The following CREB5 variants were observed in gnomAD, a reference collection of about 807,000 sequenced individuals.
CREB5 encodes the protein cAMP responsive element binding protein 5.
A neutral mutation model predicts 57.1 loss-of-function variants in CREB5; 19 were observed. The observed-to-expected ratio is 0.33, with a 90% confidence interval of 0.23 to 0.49. The LOEUF (loss-of-function observed/expected upper bound fraction) is 0.49, where lower values mean the gene tolerates loss of function less well. CREB5 is among the 20% of genes least tolerant of loss of function. The pLI, the probability that CREB5 is intolerant of heterozygous loss-of-function variation, is 0.99. For missense variants in CREB5, 579 were observed against 671.6 expected, an observed-to-expected ratio of 0.86 and a Z score of 1.52; for synonymous variants, 238 against 238.3, an observed-to-expected ratio of 1.00 and a Z score of 0.01.
chr7:28,368,452 G>A (rs1034487830), intron 1 of CREB5, among the ~76,000 whole-genome samples: 2 of 152,184 alleles, frequency 1.3e-5, no homozygotes, highest in Non-Finnish European at 2.9e-5. Context: ...GAAGTGCTCT[G>A]TGGTCTGGGC....
At chr7:28,572,800 C>T (rs1795753823) in intron 5 of CREB5, among the ~76,000 whole-genome samples, 1 of 152,172 alleles carries the variant, frequency 6.6e-6, no homozygotes, top group Non-Finnish European at 1.5e-5. Flanking sequence ...GCTGTGTCAC[C>T]ATGCCTGGAT....
intron 4 of CREB5, chr7:28,513,979 T>A (rs561404207): frequency 6.6e-6 from 1 of 152,178 alleles, no homozygotes; most frequent in East Asian, 1.9e-4. Flanking sequence ...TCTATTGTCT[T>A]GCAAAGAGTG....
chr7:28,421,248 G>GT (rs1270027155), intron 1 of CREB5, among the ~76,000 whole-genome samples: 2 of 152,032 alleles, frequency 1.3e-5, no homozygotes, highest in Non-Finnish European at 2.9e-5. Context: ...CAGAAATTTG[G>GT]TTTTCCATTT....
intron 1 of CREB5, among the ~76,000 whole-genome samples, chr7:28,327,176 G>A (rs1287264769): frequency 1.4e-5 from 2 of 146,112 alleles, no homozygotes; most frequent in Non-Finnish European, 3.0e-5. Context: ...AAAGGAAACC[G>A]TATTTAGTAG....
intron 8 of CREB5, 29 bp from the exon 9 acceptor site, chr7:28,809,158 C>T (rs1425170128): frequency 6.3e-7 from 1 of 1,584,302 alleles, no homozygotes; most frequent in Non-Finnish European, 8.6e-7. Context: ...TCCCTATCCC[C>T]ATCACCTCCT....
At chr7:28,380,602 G>A (rs750516619) in intron 1 of CREB5, among the ~76,000 whole-genome samples, 3 of 152,162 alleles carry the variant, frequency 2.0e-5, no homozygotes, top group African/African-American at 7.2e-5. Flanking sequence ...CATCACATCC[G>A]AGGGGTGGGT....
chr7:28,790,472 G>GAGAGAGAGAGAGAGAGAGAGAA, intron 7 of CREB5, among the ~76,000 whole-genome samples: 1 of 124,860 alleles, frequency 8.0e-6, no homozygotes, highest in Non-Finnish European at 1.8e-5. Flanking sequence ...TAGAGAGAGA[G>GAGAGAGAGAGAGAGAGAGAGAA]AGAAAGAAAG....
intron 4 of CREB5, among the ~76,000 whole-genome samples, chr7:28,535,830 T>A (rs1302029682): frequency 6.6e-6 from 1 of 152,170 alleles, no homozygotes; most frequent in East Asian, 1.9e-4. Flanking sequence ...CTCCTTTTTT[T>A]CTCCTTGGTT....
At chr7:28,436,222 T>C (rs560070625) in intron 1 of CREB5, among the ~76,000 whole-genome samples, 2 of 152,246 alleles carry the variant, frequency 1.3e-5, no homozygotes, top group Middle Eastern at 3.4e-3. Context: ...CTCTTGCCCT[T>C]GTGGCTCAAG....
chr7:28,381,951 C>T (rs1239471173), intron 1 of CREB5, among the ~76,000 whole-genome samples: 1 of 152,120 alleles, frequency 6.6e-6, no homozygotes, highest in African/African-American at 2.4e-5. Flanking sequence ...AGGCTAAGTC[C>T]CACCACAGAC....
At chr7:28,790,464 G>GAGAT (rs1807623030) in intron 7 of CREB5, among the ~76,000 whole-genome samples, 3 of 89,418 alleles carry the variant, frequency 3.4e-5, no homozygotes, top group African/African-American at 9.2e-5. Flanking sequence ...GAGAGAGATA[G>GAGAT]AGAGAGAGAG....
chr7:28,804,771 T>C (rs1252464918), intron 8 of CREB5, among the ~76,000 whole-genome samples: 1 of 152,214 alleles, frequency 6.6e-6, no homozygotes, highest in Non-Finnish European at 1.5e-5. Flanking sequence ...CTTTAAGTTC[T>C]CCAAAATCTA....
chr7:28,608,469 C>T (rs967796664), intron 5 of CREB5, among the ~76,000 whole-genome samples: 2 of 151,990 alleles, frequency 1.3e-5, no homozygotes, highest in Non-Finnish European at 2.9e-5. Context: ...TGTTAATGAG[C>T]CTGTGGTCAG....
At chr7:28,406,918 G>A (rs1787593470) in intron 1 of CREB5, among the ~76,000 whole-genome samples, 1 of 60,694 alleles carries the variant, frequency 1.6e-5, no homozygotes. Flanking sequence ...ATTTAGTTAA[G>A]TTTGTAAAAA....
At chr7:28,592,512 G>A (rs950760950) in intron 5 of CREB5, among the ~76,000 whole-genome samples, 1 of 152,078 alleles carries the variant, frequency 6.6e-6, no homozygotes. Flanking sequence ...AGCAAGGGGG[G>A]GTTGACATCC....
At chr7:28,325,737 A>G (rs2127985319) in intron 1 of CREB5, among the ~76,000 whole-genome samples, 1 of 152,322 alleles carries the variant, frequency 6.6e-6, no homozygotes, top group Middle Eastern at 3.4e-3. Flanking sequence ...TGATTTCCAT[A>G]TGATCAGCTT....
intron 5 of CREB5, among the ~76,000 whole-genome samples, chr7:28,582,633 A>G (rs1796162333): frequency 6.6e-6 from 1 of 152,150 alleles, no homozygotes; most frequent in Admixed American, 6.5e-5. Flanking sequence ...TTCTTGTAGT[A>G]TACATTATCT....
chr7:28,764,977 C>T (rs1000897222), intron 7 of CREB5, among the ~76,000 whole-genome samples: 4 of 152,184 alleles, frequency 2.6e-5, no homozygotes, highest in African/African-American at 9.7e-5. Flanking sequence ...CAGCCTCAAA[C>T]TCCGAAATTC....
intron 5 of CREB5, among the ~76,000 whole-genome samples, chr7:28,668,026 C>T (rs969368678): frequency 2.6e-5 from 4 of 152,148 alleles, no homozygotes; most frequent in African/African-American, 9.7e-5. Context: ...ATAATTTCCC[C>T]AGCCTTGAGT....
Sources: allele counts gnomAD v4.1 joint callset (sites outside exome capture counted in the v4.1 genomes callset), GRCh38; gene constraint gnomAD v4.1.1; transcripts MANE v1.5; gene names NCBI Gene and HGNC (gene_info 2026-07-23, HGNC 2026-07-21).